The following CECR2 variants were observed in gnomAD, a reference collection of about 807,000 sequenced individuals.
CECR2 encodes chromatin remodeling regulator CECR2.
A neutral mutation model predicts 154.5 loss-of-function variants in CECR2; 30 were observed. The ratio of observed to expected loss-of-function variants is 0.19; its 90% CI spans 0.15 to 0.26. The LOEUF is 0.26. Ranked by LOEUF, CECR2 falls within the 10% of genes least tolerant of loss-of-function variation. The pLI, the probability that CECR2 is intolerant of heterozygous loss-of-function variation, is 1.00. For missense variants in CECR2, 1,743 were observed against 1,829.3 expected, an observed-to-expected ratio of 0.95 and a Z score of 0.86; for synonymous variants, 725 against 683.7, an observed-to-expected ratio of 1.06 and a Z score of -0.94.
intron 2 of CECR2, among the ~76,000 whole-genome samples, chr22:17,484,861 G>C (rs1390865807): frequency 6.6e-6 from 1 of 152,208 alleles, no homozygotes; most frequent in East Asian, 1.9e-4. Context: ...CTCTGCGACA[G>C]AGCGAAAGTG....
chr22:17,389,428 G>A (rs766434029), intron 1 of CECR2, among the ~76,000 whole-genome samples: 9 of 152,120 alleles, frequency 5.9e-5, no homozygotes, highest in African/African-American at 9.7e-5. Flanking sequence ...AGTTGAAGAC[G>A]TGATACCTTT....
At chr22:17,512,821 G>A (rs1163651353) in intron 8 of CECR2, among the ~76,000 whole-genome samples, 2 of 152,114 alleles carry the variant, frequency 1.3e-5, no homozygotes, top group Non-Finnish European at 2.9e-5. Context: ...CCAGGAATGA[G>A]AGAGCGTGGA....
intron 1 of CECR2, among the ~76,000 whole-genome samples, chr22:17,447,370 G>A (rs902151360): frequency 6.6e-6 from 1 of 151,896 alleles, no homozygotes; most frequent in Non-Finnish European, 1.5e-5. Flanking sequence ...ATCCAGGATG[G>A]TCTCGATATC....
intron 1 of CECR2, among the ~76,000 whole-genome samples, chr22:17,436,116 G>A (rs751024325): frequency 6.6e-5 from 10 of 152,122 alleles, no homozygotes; most frequent in South Asian, 4.2e-4. Flanking sequence ...GTGTCACCAC[G>A]CTCAGTTAAT....
At chr22:17,364,342 C>CAAAAAAAAAAAAAAAAAAAAAAAAAAA (rs59134897) in intron 1 of CECR2, among the ~76,000 whole-genome samples, 1 of 52,946 alleles carries the variant, frequency 1.9e-5, no homozygotes, top group Non-Finnish European at 3.0e-5. Context: ...GACTCTGTCT[C>CAAAAAAAAAAAAAAAAAAAAAAAAAAA]AAAAAAAAAA....
At chr22:17,514,333 G>A (rs1342739364) in intron 8 of CECR2, among the ~76,000 whole-genome samples, 1 of 152,224 alleles carries the variant, frequency 6.6e-6, no homozygotes, top group Non-Finnish European at 1.5e-5. Flanking sequence ...CCTGCCCTCA[G>A]AGAGGGGAGC....
intron 9 of CECR2, among the ~76,000 whole-genome samples, chr22:17,529,017 G>C (rs1255985579): frequency 6.6e-6 from 1 of 152,040 alleles, no homozygotes; most frequent in East Asian, 1.9e-4. Flanking sequence ...GACCCCTTGA[G>C]CGCAGGAGAT....
chr22:17,430,962 G>C (rs189265055), intron 1 of CECR2, among the ~76,000 whole-genome samples: 1 of 152,086 alleles, frequency 6.6e-6, no homozygotes, highest in Non-Finnish European at 1.5e-5. Flanking sequence ...ACAGTGCCTC[G>C]TCTGTGAGTG....
chr22:17,490,147 T>TGTGTTTTTGTGTGTG (rs1555917191), intron 2 of CECR2, among the ~76,000 whole-genome samples: 5 of 149,676 alleles, frequency 3.3e-5, no homozygotes, highest in Admixed American at 2.0e-4. Context: ...TGTTTTTTTT[T>TGTGTTTTTGTGTGTG]TGTGTGTGTG....
rs1392646157 is a variant in CECR2, at chr22:17,541,756, T to C, written c.1885-83T>C. 6.7e-6 allele frequency: 10 copies of C among 1,486,188 alleles called. No homozygotes were observed. The Admixed American group carries it at 1.9e-4, about 29-fold the overall frequency. The allele number at this position is 1,486,188 out of a possible 1,614,324, so 92.1% of individuals were successfully genotyped here. A position where few individuals can be genotyped will look rare whatever the true frequency, so the allele number is the denominator to read the frequency against. On this transcript the variant is annotated intron_variant, in intron 14 of 18. Transcript: ENST00000262608. ...CGTCTGTTTTATTTTAGTAGAACGT[T>C]CATCTTCAGGAAAACCCTTGTTGTC...
chr22:17,453,682 T>A (rs886670966), intron 1 of CECR2, among the ~76,000 whole-genome samples: 1 of 152,160 alleles, frequency 6.6e-6, no homozygotes, highest in African/African-American at 2.4e-5. Flanking sequence ...GCACAAGAAT[T>A]ATATTTTGGT....
chr22:17,448,506 TTG>T (rs1468972676), intron 1 of CECR2, among the ~76,000 whole-genome samples: 8 of 152,252 alleles, frequency 5.3e-5, no homozygotes, highest in Admixed American at 6.5e-5. Context: ...ATTCCCATTT[TTG>T]CATTTATCTC....
intron 1 of CECR2, among the ~76,000 whole-genome samples, chr22:17,413,065 C>A (rs542323339): frequency 2.0e-5 from 3 of 152,302 alleles, no homozygotes; most frequent in Admixed American, 2.0e-4. Flanking sequence ...ACATGCCTTT[C>A]TTTGGCCTTG....
intron 7 of CECR2, among the ~76,000 whole-genome samples, chr22:17,511,134 A>G (rs1410291988): frequency 6.6e-6 from 1 of 152,216 alleles, no homozygotes; most frequent in Non-Finnish European, 1.5e-5. Flanking sequence ...ACCTTTTAGT[A>G]GTAGGTTACA....
At chr22:17,524,387 CTTTTTTTT>C (rs200102476) in intron 9 of CECR2, 116 bp downstream of exon 9, 52 of 392,326 alleles carry the variant, frequency 1.3e-4, no homozygotes, top group African/African-American at 2.0e-4. Context: ...CCGGCAATTT[CTTTTTTTT>C]TTTTTTTTTT....
At chr22:17,529,236 GC>G (rs2056314156) in intron 9 of CECR2, among the ~76,000 whole-genome samples, 1 of 152,142 alleles carries the variant, frequency 6.6e-6, no homozygotes, top group Admixed American at 6.6e-5. Flanking sequence ...GAAGTCCAGG[GC>G]GAGGCTGCAG....
intron 8 of CECR2, among the ~76,000 whole-genome samples, chr22:17,517,420 G>C (rs1170519603): frequency 2.6e-5 from 4 of 152,190 alleles, no homozygotes; most frequent in Admixed American, 2.6e-4. Context: ...ATAGCAGTGT[G>C]AGAACGGAGG....
At chr22:17,507,331 A>G (rs1298371548) in intron 7 of CECR2, among the ~76,000 whole-genome samples, 1 of 152,238 alleles carries the variant, frequency 6.6e-6, no homozygotes. Context: ...AAGTTCATGT[A>G]CGATAATTGC....
chr22:17,440,070 G>GAAA (rs35711237), intron 1 of CECR2, among the ~76,000 whole-genome samples: 16 of 147,102 alleles, frequency 1.1e-4, no homozygotes, highest in African/African-American at 2.5e-4. Flanking sequence ...TGATTACATT[G>GAAA]AAAAAAAAAA....
Sources: allele counts gnomAD v4.1 joint callset (sites outside exome capture counted in the v4.1 genomes callset), GRCh38; gene constraint gnomAD v4.1.1; transcripts MANE v1.5; gene names NCBI Gene and HGNC (gene_info 2026-07-23, HGNC 2026-07-21).